KCNK16: variants seen among roughly 807,000 people sequenced by gnomAD.
KCNK16 encodes potassium two pore domain channel subfamily K member 16, also known as potassium channel subfamily K member 16.
Under a neutral mutation model 23.0 loss-of-function variants are expected in KCNK16, and 23 were observed. That is an observed-to-expected ratio of 1.00 (90% CI 0.72 to 1.41). The LOEUF (loss-of-function observed/expected upper bound fraction) is 1.41, where lower values mean the gene tolerates loss of function less well. Among genes scored for constraint, KCNK16 ranks in the 40% most tolerant of loss-of-function variants. The pLI is 0.00. For missense variants in KCNK16, 327 were observed against 365.8 expected (o/e 0.89, Z 0.87); for synonymous variants, 145 against 153.5 (o/e 0.94, Z 0.41).
At chr6:39,318,591 C>T (rs1224717616) in intron 2 of KCNK16, among the ~76,000 whole-genome samples, 2 of 152,142 alleles carry the variant, frequency 1.3e-5, no homozygotes, top group African/African-American at 2.4e-5. Flanking sequence ...ACCCCCGCTC[C>T]CAGTTTCTGC....
At chr6:39,321,966 T>C (rs73731790) in intron 1 of KCNK16, among the ~76,000 whole-genome samples, 3,544 of 152,284 alleles carry the variant, frequency 0.023, 147 homozygotes, top group African/African-American at 0.08. Flanking sequence ...AGGAGGAAAT[T>C]TGGATAGCGT....
chr6:39,318,950 A>G lies in KCNK16; in HGVS notation c.328+69T>C, dbSNP rs188759738. The stretch of plus-strand genomic sequence containing the variant: ...AGACAAACCACATCCTTGTCTCAGC[A>G]TCTGCTTTTGGGGAGCCCAAACTAA... On this transcript the variant is annotated intron_variant, in intron 2 of 4. Transcript: ENST00000437525. 4.3e-4 allele frequency: 454 copies of G among 1,050,268 alleles called. No homozygotes were observed. In the African/African-American group the frequency reaches 5.5e-3, roughly 13 times the overall value. The allele number at this position is 1,050,268 out of a possible 1,614,324, so 65.1% of individuals were successfully genotyped here. A position where few individuals can be genotyped will look rare whatever the true frequency, so the allele number is the denominator to read the frequency against.
At position 39,316,845 on chromosome 6, in the gene KCNK16, T is replaced by G. The variant is rs573563093; in HGVS notation, c.598A>C (p.Ser200Arg). 6.2e-7 allele frequency: 1 copy of G among 1,614,042 alleles called. No homozygotes were observed. Among genetic ancestry groups the G allele is most frequent in the African/African-American group, 1.3e-5 (1 of 75,022 alleles). ...ATGAAAGCAAAGTAGAAGCCCTCGCTGAAGCTCCAGCCCTCCACATGGCTG... is the reference window on the plus strand; with the variant it reads ...ATGAAAGCAAAGTAGAAGCCCTCGCGGAAGCTCCAGCCCTCCACATGGCTG... Reference protein sequence around the residue: ...VFSHVEGWSFSEGFYFAFITL... With the variant: ...VFSHVEGWSFREGFYFAFITL... Residue 200 changes from serine to arginine, a missense_variant, in exon 4 of 5, where the codon AGC becomes CGC. By Grantham distance (110) the Ser-to-Arg change is moderately radical. Coordinates refer to ENST00000437525, the MANE Select transcript of KCNK16 (RefSeq NM_001135106.2).
downstream of KCNK16, chr6:39,314,733 G>A (rs946192312): frequency 4.2e-6 from 2 of 472,428 alleles, no homozygotes; most frequent in East Asian, 3.3e-5. Context: ...TTGTCTTGGG[G>A]CCCCTGCCTA....
downstream of KCNK16, chr6:39,315,056 T>C (rs773511528): frequency 6.2e-7 from 1 of 1,614,016 alleles, no homozygotes; most frequent in Non-Finnish European, 8.5e-7. Flanking sequence ...TGACTTGGAC[T>C]CCTCTTGCTG....
intron 3 of KCNK16, 61 bp from the exon 4 acceptor site, chr6:39,317,008 G>T (rs1269460756): frequency 4.6e-6 from 7 of 1,525,324 alleles, no homozygotes; most frequent in Non-Finnish European, 4.4e-6. Flanking sequence ...GTATGAGGTT[G>T]GGGGGAGTCT....
rs932894373 is a variant in KCNK16, at chr6:39,322,639, C to T, written c.-99G>A. On this transcript the variant is annotated 5_prime_UTR_variant, in exon 1 of 5. Coordinates refer to ENST00000437525, the MANE Select transcript of KCNK16 (RefSeq NM_001135106.2). ...ACCTAGGGGCCTGTGCCCAGGCTGCCGCCTGCCCTGCCCTCCTCCTCGGCA... is the reference window on the plus strand; with the variant it reads ...ACCTAGGGGCCTGTGCCCAGGCTGCTGCCTGCCCTGCCCTCCTCCTCGGCA... The T allele has an allele frequency of 1.7e-4, 248 of 1,464,986 alleles. 1 individual carries two copies. In the South Asian group the frequency reaches 1.8e-3, roughly 11 times the overall value. The allele number at this position is 1,464,986 out of a possible 1,614,324, so 90.7% of individuals were successfully genotyped here.
intron 1 of KCNK16, among the ~76,000 whole-genome samples, chr6:39,321,370 T>C (rs1762509944): frequency 6.6e-6 from 1 of 152,200 alleles, no homozygotes; most frequent in South Asian, 2.1e-4. Context: ...GCAGCCTTGG[T>C]CAACATATTC....
intron 3 of KCNK16, 152 bp from the exon 4 acceptor site, chr6:39,317,099 A>C: frequency 4.0e-6 from 3 of 758,800 alleles, no homozygotes; most frequent in Non-Finnish European, 6.2e-6. Context: ...GGTTGTATCT[A>C]TGTGTGCATG....
At chr6:39,321,828 G>C (rs1762523903) in intron 1 of KCNK16, among the ~76,000 whole-genome samples, 1 of 152,210 alleles carries the variant, frequency 6.6e-6, no homozygotes, top group Non-Finnish European at 1.5e-5. Context: ...AGGACAGCTT[G>C]GTGGTGGCTG....
intron 1 of KCNK16, among the ~76,000 whole-genome samples, chr6:39,320,777 G>A (rs1762486288): frequency 6.6e-6 from 1 of 152,154 alleles, no homozygotes; most frequent in Admixed American, 6.5e-5. Context: ...AGCAGAGCGA[G>A]TTAGGTTGCA....
chr6:39,315,147 G>T, downstream of KCNK16: 2 of 1,614,240 alleles, frequency 1.2e-6, no homozygotes, highest in Non-Finnish European at 1.7e-6. Flanking sequence ...GAGGAACCCA[G>T]CCACATAGGA....
chr6:39,321,517 C>T (rs1179853588), intron 1 of KCNK16, among the ~76,000 whole-genome samples: 2 of 152,278 alleles, frequency 1.3e-5, no homozygotes, highest in Non-Finnish European at 2.9e-5. Flanking sequence ...CTGCTTCCCA[C>T]TGTTTTAGGC....
chr6:39,314,657 A>T (rs1229431635), downstream of KCNK16: 2 of 405,230 alleles, frequency 4.9e-6, no homozygotes, highest in Non-Finnish European at 8.7e-6. Context: ...CATTTCCTGA[A>T]ATGAACAATG....
At chr6:39,321,874 G>T (rs9462529) in intron 1 of KCNK16, among the ~76,000 whole-genome samples, 1 of 152,080 alleles carries the variant, frequency 6.6e-6, no homozygotes, top group Non-Finnish European at 1.5e-5. Context: ...ACCCGCAGCC[G>T]TCTGCCCAGG....
chr6:39,320,700 CA>C (rs1762483584), intron 1 of KCNK16, among the ~76,000 whole-genome samples: 1 of 152,162 alleles, frequency 6.6e-6, no homozygotes, highest in African/African-American at 2.4e-5. Context: ...GGGGAGGCCC[CA>C]GGGGCTAATC....
chr6:39,318,947 A>T, intron 2 of KCNK16, 72 bp downstream of exon 2: 1 of 1,015,894 alleles, frequency 9.8e-7, no homozygotes. Context: ...TCCTTGTCTC[A>T]GCATCTGCTT....
chr6:39,321,170 G>T (rs1350450596), intron 1 of KCNK16, among the ~76,000 whole-genome samples: 1 of 152,208 alleles, frequency 6.6e-6, no homozygotes, highest in Non-Finnish European at 1.5e-5. Flanking sequence ...GGCAGGTGCG[G>T]AGTGGGGCTT....
Position 39,319,707 on chromosome 6 carries a change from G to T in KCNK16, c.214-574C>A, listed in dbSNP as rs1032686802. On this transcript the variant is annotated intron_variant, in intron 1 of 4. Transcript: ENST00000437525. The surrounding 1 kb of genome is among the most constrained non-coding windows in gnomAD (Gnocchi z 4.2). ...TGAGCCTCAGCCCTTGCCTATGGGA[G>T]AAATTCTAACAGAGGCCAAGACAAA... Among the ~76,000 whole-genome samples the T allele has an allele frequency of 6.6e-6, 1 of 151,978 alleles. No homozygotes were observed. Among genetic ancestry groups the T allele is most frequent in the African/African-American group, 2.4e-5 (1 of 41,352 alleles).
Sources: gnomAD v4.1 joint callset for allele counts (sites outside exome capture counted in the v4.1 genomes callset) on GRCh38, gnomAD v4.1.1 for gene constraint, Gnocchi (gnomAD v3.1) non-coding constraint, MANE v1.5 for transcripts, NCBI Gene and HGNC (gene_info 2026-07-23, HGNC 2026-07-21) for gene names.